NEMP2: variants seen among roughly 807,000 people sequenced by gnomAD.
NEMP2 encodes UPF0571 transmembrane protein.
A neutral mutation model predicts 54.2 loss-of-function variants in NEMP2; 53 were observed. The observed-to-expected ratio is 0.98, with a 90% CI of 0.78 to 1.23. NEMP2 has a LOEUF of 1.23. Ranked by LOEUF, NEMP2 falls within the 50% of genes most tolerant of loss-of-function variation. The pLI is 0.00. For synonymous variants in NEMP2, 197 were observed against 190.3 expected (o/e 1.04, Z -0.29); for missense variants, 455 against 511.3 (o/e 0.89, Z 1.06).
the NEMP2 span, among the ~76,000 whole-genome samples, chr2:190,485,129 G>C: frequency 6.6e-6 from 1 of 152,142 alleles, no homozygotes; most frequent in Admixed American, 6.5e-5. This position sits in a 1 kb window ranked among gnomAD's most constrained non-coding sequence, Gnocchi z 5.1. Flanking sequence ...ACTGGAAAAT[G>C]CTTTAATTAT....
chr2:190,453,574 G>A, the NEMP2 span, among the ~76,000 whole-genome samples: 2 of 152,260 alleles, frequency 1.3e-5, no homozygotes, highest in African/African-American at 4.8e-5. Flanking sequence ...GAGCAGGACT[G>A]TTGGGAAGAG....
At position 190,510,534 on chromosome 2, in the gene NEMP2, T is replaced by C. The variant is rs984437794; in HGVS notation, c.957A>G (p.Lys319=). ...PLRACSYMRW[K]MEQWFTSKEL... is the part of the protein sequence containing the mutation. The stretch of plus-strand genomic sequence containing the variant: ...CTTTTGATGTAAACCACTGCTCCAT[T>C]TTCCTAAAACATGGCATGTGGTTGC... The change falls in exon 8 of 9, where the codon AAA becomes AAG. Residue 319 remains lysine, a synonymous_variant. Transcript: ENST00000409150. The surrounding 1 kb of genome is among the most constrained non-coding windows in gnomAD (Gnocchi z 5.7). The C allele has an allele frequency of 6.4e-7, 1 of 1,551,896 alleles. No individual in the cohort carries two copies. The highest frequency in any genetic ancestry group is 2.4e-5 in the East Asian group (1 of 40,922).
downstream of NEMP2, chr2:190,502,308 A>G (rs1690062357): frequency 6.6e-6 from 1 of 152,178 alleles, no homozygotes; most frequent in African/African-American, 2.4e-5. The surrounding 1 kb of genome is among the most constrained non-coding windows in gnomAD (Gnocchi z 4.4). Flanking sequence ...AGTGAATTCA[A>G]ATTACATTTT....
upstream of NEMP2, among the ~76,000 whole-genome samples, chr2:190,539,128 A>G (rs1691467987): frequency 6.6e-6 from 1 of 152,146 alleles, no homozygotes; most frequent in African/African-American, 2.4e-5. The surrounding 1 kb of genome is among the most constrained non-coding windows in gnomAD (Gnocchi z 4.1). Context: ...ATGTTTCTAT[A>G]TGGTAAGATA....
rs1690901830 is a variant in NEMP2, at chr2:190,525,507, A to G, written c.98-129T>C. The G allele has an allele frequency of 1.8e-6, 1 of 564,522 alleles. No individual in the cohort carries two copies. Among genetic ancestry groups the G allele is most frequent in the South Asian group, 2.4e-5 (1 of 41,990 alleles). 35.0% of individuals were successfully genotyped at this position (564,522 alleles called of 1,614,324 possible). On this transcript the variant is annotated intron_variant, in intron 1 of 8. Transcript: ENST00000409150. The surrounding 1 kb of genome is among the most constrained non-coding windows in gnomAD (Gnocchi z 5.0). ...TGGCCAATAAATTCTCCTATATGAT[A>G]ATTATAGTCCTTCAGTGTTTCCAAC...
chr2:190,542,762 C>A, the NEMP2 span, among the ~76,000 whole-genome samples: 1 of 152,136 alleles, frequency 6.6e-6, no homozygotes, highest in Non-Finnish European at 1.5e-5. This position sits in a 1 kb window ranked among gnomAD's most constrained non-coding sequence, Gnocchi z 4.6. Flanking sequence ...TGTTAAATTT[C>A]TCTGATAAAT....
the NEMP2 span, among the ~76,000 whole-genome samples, chr2:190,475,221 C>T: frequency 1.3e-5 from 2 of 152,190 alleles, no homozygotes; most frequent in Admixed American, 6.5e-5. Context: ...CCAGGGCAAT[C>T]AGGCAGGAGA....
At chr2:190,589,953 C>CT in the NEMP2 span, among the ~76,000 whole-genome samples, 1 of 152,160 alleles carries the variant, frequency 6.6e-6, no homozygotes, top group Non-Finnish European at 1.5e-5. The surrounding 1 kb of genome is among the most constrained non-coding windows in gnomAD (Gnocchi z 4.3). Flanking sequence ...AATCCAGTCT[C>CT]TGATAGAGTA....
At chr2:190,617,087 C>T in the NEMP2 span, 1 of 151,614 alleles carries the variant, frequency 6.6e-6, no homozygotes, top group Non-Finnish European at 1.5e-5. This position sits in a 1 kb window ranked among gnomAD's most constrained non-coding sequence, Gnocchi z 5.0. Flanking sequence ...GATCGCGCCA[C>T]CGCACTCCAG....
In NEMP2 at chr2:190,529,999, ATCT is replaced by A. The variant is rs1443395269; in HGVS notation, c.97+4557_97+4559del. ...CTTAACATCCTCTGGACTGGGGATC[ATCT>A]TCTTGCCCCTCACTGGATAGAGGAG... On this transcript the variant is annotated intron_variant, in intron 1 of 8. Transcript: ENST00000409150. The surrounding 1 kb of genome is among the most constrained non-coding windows in gnomAD (Gnocchi z 4.7). 6.6e-6 allele frequency among the ~76,000 whole-genome samples: 1 copy of A among 152,220 alleles called. No individual in the cohort carries two copies. The highest frequency in any genetic ancestry group is 1.5e-5 in the Non-Finnish European group (1 of 68,036).
At chr2:190,477,390 A>G in the NEMP2 span, 27 of 971,080 alleles carry the variant, frequency 2.8e-5, no homozygotes, top group Middle Eastern at 3.2e-3. Context: ...GTATACCTAC[A>G]GAAAAGAAAT....
At chr2:190,438,792 T>C in the NEMP2 span, among the ~76,000 whole-genome samples, 1 of 152,246 alleles carries the variant, frequency 6.6e-6, no homozygotes, top group Non-Finnish European at 1.5e-5. This position sits in a 1 kb window ranked among gnomAD's most constrained non-coding sequence, Gnocchi z 5.2. Flanking sequence ...AATGACAAGA[T>C]TTGACAATCC....
chr2:190,621,992 A>T, the NEMP2 span, among the ~76,000 whole-genome samples: 1 of 152,184 alleles, frequency 6.6e-6, no homozygotes, highest in Non-Finnish European at 1.5e-5. Context: ...CTGTAGTCCC[A>T]GTTACTTGGG....
chr2:190,602,160 G>A, the NEMP2 span, among the ~76,000 whole-genome samples: 19 of 152,246 alleles, frequency 1.2e-4, no homozygotes, highest in South Asian at 2.9e-3. Flanking sequence ...GGAGAGAGGC[G>A]GAGAAGGAAG....
rs1690396724 is a variant in NEMP2, at chr2:190,512,331, C to A, written c.954-1794G>T. On this transcript the variant is annotated intron_variant, in intron 7 of 8. Coordinates refer to ENST00000409150, the MANE Select transcript of NEMP2 (RefSeq NM_001142645.2). This position sits in a 1 kb window ranked among gnomAD's most constrained non-coding sequence, Gnocchi z 4.5. ...GAGATATTTTGTGTAGGGTTCTTAG[C>A]ACTGTAAGTGGCCTATAGTAGGTGT... 6.6e-6 allele frequency among the ~76,000 whole-genome samples: 1 copy of A among 152,146 alleles called. No individual in the cohort carries two copies. Among genetic ancestry groups the A allele is most frequent in the African/African-American group, 2.4e-5 (1 of 41,404 alleles).
Position 190,507,448 on chromosome 2 carries a change from A to G in NEMP2, c.*1741T>C, listed in dbSNP as rs1690217915. On this transcript the variant is annotated 3_prime_UTR_variant, in exon 9 of 9. Transcript: ENST00000409150. This position sits in a 1 kb window ranked among gnomAD's most constrained non-coding sequence, Gnocchi z 4.4. ...TAGCACACAAACTGCTTCTTAGGAG[A>G]CGAACTTGGTGAGCACAGGCACTGA... 1 of 152,180 alleles carries G rather than the reference A, an allele frequency of 6.6e-6. No individual in the cohort carries two copies. Among genetic ancestry groups the G allele is most frequent in the South Asian group, 2.1e-4 (1 of 4,834 alleles). The allele number at this position is 152,180 out of a possible 1,614,324, so 9.4% of individuals were successfully genotyped here.
At chr2:190,435,482 C>T in the NEMP2 span, among the ~76,000 whole-genome samples, 1 of 152,224 alleles carries the variant, frequency 6.6e-6, no homozygotes, top group Non-Finnish European at 1.5e-5. Context: ...GCAACAATGC[C>T]ATCGGCTTCC....
chr2:190,590,230 G>GAC, the NEMP2 span, among the ~76,000 whole-genome samples: 2 of 152,158 alleles, frequency 1.3e-5, no homozygotes, highest in African/African-American at 4.8e-5. This position sits in a 1 kb window ranked among gnomAD's most constrained non-coding sequence, Gnocchi z 5.1. Flanking sequence ...TCCCTCTCAC[G>GAC]ACAGTCCATG....
chr2:190,437,251 A>G, the NEMP2 span: 1 of 1,614,180 alleles, frequency 6.2e-7, no homozygotes, highest in Non-Finnish European at 8.5e-7. This position sits in a 1 kb window ranked among gnomAD's most constrained non-coding sequence, Gnocchi z 5.9. Flanking sequence ...AGAGGTGGAG[A>G]TCCCGCAGGT....
Sources: gnomAD v4.1 joint callset for allele counts (sites outside exome capture counted in the v4.1 genomes callset) on GRCh38, gnomAD v4.1.1 for gene constraint, Gnocchi (gnomAD v3.1) non-coding constraint, MANE v1.5 for transcripts, NCBI Gene and HGNC (gene_info 2026-07-23, HGNC 2026-07-21) for gene names.